TRAM1: variants seen among roughly 807,000 people sequenced by gnomAD.
TRAM1 encodes translocating chain-associated membrane protein 1.
A neutral mutation model predicts 48.7 loss-of-function variants in TRAM1; 17 were observed. The observed-to-expected ratio is 0.35, with a 90% CI of 0.24 to 0.52. The LOEUF is 0.52. Ranked by LOEUF, TRAM1 falls within the 20% of genes least tolerant of loss-of-function variation. The pLI, the probability that TRAM1 is intolerant of heterozygous loss-of-function variation, is 0.94. For synonymous variants in TRAM1, 182 were observed against 154.0 expected (o/e 1.18, Z -1.34); for missense variants, 351 against 441.5 (o/e 0.79, Z 1.84).
intron 1 of TRAM1, among the ~76,000 whole-genome samples, chr8:70,605,190 A>C (rs565836989): frequency 6.6e-6 from 1 of 152,334 alleles, no homozygotes; most frequent in South Asian, 2.1e-4. Flanking sequence ...GTTTTTAAAG[A>C]ATAATAATAG....
intron 1 of TRAM1, among the ~76,000 whole-genome samples, chr8:70,601,660 T>C (rs1307438974): frequency 6.6e-6 from 1 of 152,196 alleles, no homozygotes; most frequent in South Asian, 2.1e-4. Context: ...GGAGTGAGCA[T>C]GCAGCCAAGA....
At chr8:70,582,372 G>GT (rs1283607740) in intron 10 of TRAM1, among the ~76,000 whole-genome samples, 4 of 149,386 alleles carry the variant, frequency 2.7e-5, no homozygotes, top group African/African-American at 9.9e-5. Flanking sequence ...ATTGTGCACT[G>GT]TAACCTTGAA....
chr8:70,586,191 C>G (rs1406368444), intron 8 of TRAM1, among the ~76,000 whole-genome samples: 2 of 146,438 alleles, frequency 1.4e-5, no homozygotes, highest in Non-Finnish European at 3.0e-5. Context: ...CCAAACACTG[C>G]ATGTTCTCAC....
At chr8:70,600,189 G>C in intron 1 of TRAM1, 107 bp from the exon 2 acceptor site, 2 of 805,246 alleles carry the variant, frequency 2.5e-6, no homozygotes, top group South Asian at 3.2e-5. Flanking sequence ...AGCACCAAGG[G>C]CCTCCTCGTT....
Position 70,598,324 on chromosome 8 carries a change from C to T in TRAM1, c.188-69G>A, listed in dbSNP as rs939110548. On this transcript the variant is annotated intron_variant, in intron 2 of 10. Coordinates refer to ENST00000262213, the MANE Select transcript of TRAM1 (RefSeq NM_014294.6). ...GTTATAAAAACAGCATTAAGTACAA[C>T]ATAGTTATGGAAACAAAGAAGAATA... 13 of 1,430,204 alleles carry T rather than the reference C, an allele frequency of 9.1e-6. No homozygotes were observed. The Admixed American group carries it at 9.3e-5, about 10-fold the overall frequency. 88.6% of individuals were successfully genotyped at this position (1,430,204 alleles called of 1,614,324 possible).
At position 70,574,107 on chromosome 8, in the gene TRAM1, T is replaced by C. The variant is rs1328262902; in HGVS notation, c.*825A>G. 1 of 260,324 alleles carries C rather than the reference T, an allele frequency of 3.8e-6. No homozygotes were observed. Among genetic ancestry groups the C allele is most frequent in the South Asian group, 3.3e-5 (1 of 30,002 alleles). 16.1% of individuals were successfully genotyped at this position (260,324 alleles called of 1,614,324 possible). A position where few individuals can be genotyped will look rare whatever the true frequency, so the allele number is the denominator to read the frequency against. ...TAAAAGTGTTTGCAGGTTAAACTTT[T>C]CTAAGATGCTGTGCATATTAAACTT... On this transcript the variant is annotated 3_prime_UTR_variant, in exon 11 of 11. Coordinates refer to ENST00000262213, the MANE Select transcript of TRAM1 (RefSeq NM_014294.6).
Position 70,592,626 on chromosome 8 carries a change from TC to T in TRAM1, c.570+1879del, listed in dbSNP as rs572078395. 6.5e-4 allele frequency among the ~76,000 whole-genome samples: 99 copies of T among 152,344 alleles called. 1 individual carries two copies. The highest frequency in any genetic ancestry group is 5.8e-3 in the Admixed American group (89 of 15,300). On this transcript the variant is annotated intron_variant, in intron 6 of 10. Coordinates refer to ENST00000262213, the MANE Select transcript of TRAM1 (RefSeq NM_014294.6). Reference sequence around the variant, plus strand: ...TAAAATGAACAATTACTTTGAAATGTCCCTTCTTACTTACCATAGTCAATGA... The same window carrying T: ...TAAAATGAACAATTACTTTGAAATGTCCTTCTTACTTACCATAGTCAATGA...
intron 8 of TRAM1, among the ~76,000 whole-genome samples, chr8:70,586,397 A>C (rs1817222164): frequency 6.6e-6 from 1 of 151,986 alleles, no homozygotes; most frequent in African/African-American, 2.4e-5. Context: ...CATTGTGCAC[A>C]TGTACCCTAA....
chr8:70,584,677 T>C lies in TRAM1; in HGVS notation c.747-884A>G, dbSNP rs1258049441. 3.3e-5 allele frequency among the ~76,000 whole-genome samples: 5 copies of C among 152,136 alleles called. No homozygotes were observed. In the South Asian group the frequency reaches 8.3e-4, roughly 25 times the overall value. On this transcript the variant is annotated intron_variant, in intron 8 of 10. Transcript: ENST00000262213. ...CAAATCATGAGTGAACTCCCATTCATAATTGCTTCAAAGAGAATAAAATAC... is the reference window on the plus strand; with the variant it reads ...CAAATCATGAGTGAACTCCCATTCACAATTGCTTCAAAGAGAATAAAATAC...
intron 1 of TRAM1, among the ~76,000 whole-genome samples, chr8:70,600,501 G>A (rs922160590): frequency 6.6e-6 from 1 of 152,128 alleles, no homozygotes; most frequent in African/African-American, 2.4e-5. Flanking sequence ...TGTGGTGTGG[G>A]TGTGTTAGTA....
intron 10 of TRAM1, among the ~76,000 whole-genome samples, chr8:70,576,087 AAAAAAAAAC>A (rs1816946187): frequency 7.8e-5 from 11 of 140,276 alleles, no homozygotes; most frequent in Non-Finnish European, 1.6e-4. Context: ...AAAGAAAAAA[AAAAAAAAAC>A]CACACAAAAA....
intron 6 of TRAM1, among the ~76,000 whole-genome samples, chr8:70,591,250 G>C (rs1360605752): frequency 6.6e-6 from 1 of 152,168 alleles, no homozygotes; most frequent in South Asian, 2.1e-4. Context: ...AGGACTACAG[G>C]TGTGTGCCAC....
chr8:70,576,841 T>G (rs1332804698), intron 10 of TRAM1, among the ~76,000 whole-genome samples: 3 of 152,116 alleles, frequency 2.0e-5, no homozygotes, highest in African/African-American at 7.2e-5. Context: ...CTGTAGTTCT[T>G]CGGTGTTCAG....
chr8:70,584,281 T>C (rs1817155137), intron 8 of TRAM1, among the ~76,000 whole-genome samples: 1 of 152,194 alleles, frequency 6.6e-6, no homozygotes, highest in Non-Finnish European at 1.5e-5. Context: ...TTCAGAATAA[T>C]TTTGGAAAAT....
chr8:70,593,012 T>C (rs2132036811), intron 6 of TRAM1, among the ~76,000 whole-genome samples: 1 of 152,278 alleles, frequency 6.6e-6, no homozygotes, highest in East Asian at 1.9e-4. Context: ...TTACTAAACA[T>C]GGAAGGGCTA....
chr8:70,591,412 C>A (rs943125187), intron 6 of TRAM1, among the ~76,000 whole-genome samples: 1 of 152,070 alleles, frequency 6.6e-6, no homozygotes, highest in East Asian at 1.9e-4. Flanking sequence ...TGTCTGAGGC[C>A]GACAACAAAG....
At chr8:70,597,790 TAA>T in intron 4 of TRAM1, 103 bp downstream of exon 4, 1 of 780,320 alleles carries the variant, frequency 1.3e-6, no homozygotes, top group Non-Finnish European at 1.8e-6. Flanking sequence ...AAAAAATACC[TAA>T]AACAGATTTA....
intron 1 of TRAM1, among the ~76,000 whole-genome samples, chr8:70,600,620 C>T (rs1346033691): frequency 6.6e-6 from 1 of 152,146 alleles, no homozygotes; most frequent in Non-Finnish European, 1.5e-5. Flanking sequence ...CCAATCTTTA[C>T]AGGCACCAGG....
rs530321149 is a variant in TRAM1 at position 70,593,458 on chromosome 8, A to G, written c.570+1048T>C. On this transcript the variant is annotated intron_variant, in intron 6 of 10. Coordinates refer to ENST00000262213, the MANE Select transcript of TRAM1 (RefSeq NM_014294.6). ...AAATGTAAACATATACACAACAGAC[A>G]GAAAAGATTCTGACATACCCGTAAC... Among the ~76,000 whole-genome samples the G allele has an allele frequency of 1.2e-4, 18 of 152,230 alleles. No individual in the cohort carries two copies. In the South Asian group the frequency reaches 3.5e-3, roughly 30 times the overall value.
Sources: allele counts gnomAD v4.1 joint callset (sites outside exome capture counted in the v4.1 genomes callset), GRCh38; gene constraint gnomAD v4.1.1; transcripts MANE v1.5; gene names NCBI Gene and HGNC (gene_info 2026-07-23, HGNC 2026-07-21).